GFRA2: variants seen among roughly 807,000 people sequenced by gnomAD.
GFRA2 encodes GDNF family receptor alpha-2.
In GFRA2, 17 loss-of-function variants were observed where a neutral mutation model predicts 48.3. That is an observed-to-expected ratio of 0.35 (90% confidence interval 0.24 to 0.53). GFRA2 has a LOEUF of 0.53. Among genes scored for constraint, GFRA2 ranks in the 20% least tolerant of loss-of-function variants. GFRA2 has a pLI of 0.93. For missense variants in GFRA2, 660 were observed against 637.3 expected (o/e 1.04, Z -0.38); for synonymous variants, 305 against 257.2 (o/e 1.19, Z -1.78).
rs1280782834 is a variant in GFRA2, at chr8:21,775,048, C to T, written c.363G>A (p.Glu121=). The part of the protein sequence containing the change: ...SIHLGLTEGE[E]FYEASPYEPV... ...GCTCATAGGGGGAGGCTTCGTAGAA[C>T]TCCTCACCTGGAAGACAGAACAGGC... The change falls in exon 3 of 9, where the codon GAG becomes GAA. Residue 121 remains glutamate (E), a synonymous_variant. Coordinates refer to ENST00000524240, the MANE Select transcript of GFRA2 (RefSeq NM_001495.5). 8.3e-6 allele frequency: 13 copies of T among 1,570,232 alleles called. No individual in the cohort carries two copies. The highest frequency in any genetic ancestry group is 1.1e-5 in the Non-Finnish European group (13 of 1,140,636).
At chr8:21,697,213 GGGGAGGGCAT>G (rs1802252538) in intron 7 of GFRA2, among the ~76,000 whole-genome samples, 1 of 56,436 alleles carries the variant, frequency 1.8e-5, no homozygotes, top group Non-Finnish European at 4.0e-5. Context: ...GGAAAGGGGA[GGGGAGGGCAT>G]GGTAAGGGGA....
intron 7 of GFRA2, 91 bp from the exon 8 acceptor site, chr8:21,694,608 C>T (rs952926391): frequency 2.5e-6 from 3 of 1,190,500 alleles, no homozygotes; most frequent in African/African-American, 3.0e-5. Flanking sequence ...CCGCCATGCA[C>T]TGTTGGCTCC....
At chr8:21,771,958 G>T (rs532497028) in intron 3 of GFRA2, among the ~76,000 whole-genome samples, 1 of 152,160 alleles carries the variant, frequency 6.6e-6, no homozygotes, top group African/African-American at 2.4e-5. Flanking sequence ...TGCAGGTCTT[G>T]GGATACTCAC....
intron 4 of GFRA2, among the ~76,000 whole-genome samples, chr8:21,708,976 A>T (rs1563219704): frequency 6.6e-6 from 1 of 152,212 alleles, no homozygotes; most frequent in Non-Finnish European, 1.5e-5. Flanking sequence ...TGCTTTGGCC[A>T]AATGTCTCCC....
chr8:21,728,898 T>C (rs1476092400), intron 4 of GFRA2, among the ~76,000 whole-genome samples: 1 of 152,228 alleles, frequency 6.6e-6, no homozygotes, highest in Non-Finnish European at 1.5e-5. Context: ...AGGGTCACCT[T>C]AGTACTACTG....
At chr8:21,809,698 G>C (rs968599192) in intron 1 of GFRA2, among the ~76,000 whole-genome samples, 2 of 152,124 alleles carry the variant, frequency 1.3e-5, no homozygotes, top group East Asian at 3.9e-4. Context: ...CTGCATCATC[G>C]CACTGTGTTG....
chr8:21,764,584 T>C (rs974487488), intron 3 of GFRA2, among the ~76,000 whole-genome samples: 1 of 152,198 alleles, frequency 6.6e-6, no homozygotes, highest in African/African-American at 2.4e-5. Flanking sequence ...AGCTCTGCCT[T>C]CTCTCTGTTA....
chr8:21,702,003 G>T (rs899932817), intron 7 of GFRA2, among the ~76,000 whole-genome samples: 1 of 152,158 alleles, frequency 6.6e-6, no homozygotes, highest in Non-Finnish European at 1.5e-5. Flanking sequence ...AGGATGAAGG[G>T]TGCATGCAGG....
chr8:21,784,350 G>A (rs2117078798), intron 1 of GFRA2: 7 of 456,082 alleles, frequency 1.5e-5, no homozygotes, highest in South Asian at 9.3e-5. Flanking sequence ...TGGACCGAAA[G>A]AGTAATTTGG....
At chr8:21,811,272 C>A (rs989499177) in intron 1 of GFRA2, among the ~76,000 whole-genome samples, 1 of 152,154 alleles carries the variant, frequency 6.6e-6, no homozygotes, top group Admixed American at 6.5e-5. Flanking sequence ...ATCCTCACAG[C>A]GGGTCTTTGC....
rs1055240605 is a variant in GFRA2 at position 21,785,055 on chromosome 8, T to G, written c.41-2156A>C. ...CCCCATAGGCTAATGCCCTCCCACC[T>G]TGACTGAACTGAAGGCTGCACTGTC... On this transcript the variant is annotated intron_variant, in intron 1 of 8. Coordinates refer to ENST00000524240, the MANE Select transcript of GFRA2 (RefSeq NM_001495.5). Among the ~76,000 whole-genome samples the G allele has an allele frequency of 9.5e-4, 145 of 152,300 alleles. 1 individual carries two copies. Among genetic ancestry groups the G allele is most frequent in the African/African-American group, 3.4e-3 (142 of 41,566 alleles).
At chr8:21,793,446 A>C (rs1807613384), upstream of GFRA2, among the ~76,000 whole-genome samples, 3 of 152,124 alleles carry the variant, frequency 2.0e-5, no homozygotes, top group Non-Finnish European at 4.4e-5. Context: ...GAACACAGGG[A>C]GAGTCGCCAG....
intron 4 of GFRA2, among the ~76,000 whole-genome samples, chr8:21,731,966 A>T (rs2117502125): frequency 6.6e-6 from 1 of 152,356 alleles, no homozygotes; most frequent in South Asian, 2.1e-4. Flanking sequence ...CACCAAGAAA[A>T]GGTGAAGGTG....
intron 4 of GFRA2, among the ~76,000 whole-genome samples, chr8:21,709,541 G>C (rs1361375809): frequency 2.0e-5 from 3 of 152,218 alleles, no homozygotes; most frequent in African/African-American, 4.8e-5. Flanking sequence ...GGAATGGCAA[G>C]CGTGGACGCA....
chr8:21,695,701 C>T (rs1482192256), intron 7 of GFRA2, among the ~76,000 whole-genome samples: 7 of 152,154 alleles, frequency 4.6e-5, no homozygotes, highest in Non-Finnish European at 4.4e-5. Context: ...CTCCACTCCC[C>T]AGGACTTGGT....
intron 3 of GFRA2, among the ~76,000 whole-genome samples, chr8:21,768,155 C>G (rs1036222772): frequency 2.6e-5 from 4 of 152,242 alleles, no homozygotes; most frequent in East Asian, 1.9e-4. Context: ...CACCCCACAC[C>G]TGCTCCTTGG....
intron 7 of GFRA2, among the ~76,000 whole-genome samples, chr8:21,696,907 GAGAGGGGACATAGTA>G (rs1802205450): frequency 7.4e-6 from 1 of 135,606 alleles, no homozygotes; most frequent in African/African-American, 2.7e-5. Context: ...AGAGTGAGAG[GAGAGGGGACATAGTA>G]GAGGGAAGGG....
intron 8 of GFRA2, 87 bp from the exon 9 acceptor site, chr8:21,693,487 G>T: frequency 7.7e-7 from 1 of 1,301,914 alleles, no homozygotes; most frequent in Non-Finnish European, 1.1e-6. Flanking sequence ...GCAGAGAAAC[G>T]GACTCAGGAA....
At chr8:21,806,207 A>G (rs1300858793) in intron 1 of GFRA2, among the ~76,000 whole-genome samples, 1 of 152,140 alleles carries the variant, frequency 6.6e-6, no homozygotes. Context: ...CAAACTTCTG[A>G]TGGTTCAACT....
Sources: gnomAD v4.1 joint callset for allele counts (sites outside exome capture counted in the v4.1 genomes callset) on GRCh38, gnomAD v4.1.1 for gene constraint, MANE v1.5 for transcripts, NCBI Gene and HGNC (gene_info 2026-07-23, HGNC 2026-07-21) for gene names.